The following SBSPON variants were observed in gnomAD, a reference collection of about 807,000 sequenced individuals.
SBSPON encodes somatomedin-B and thrombospondin type-1 domain-containing protein.
SBSPON carries 30 observed loss-of-function variants against 35.8 expected under a neutral mutation model. That is an observed-to-expected ratio of 0.84 (90% CI 0.63 to 1.14). The LOEUF (loss-of-function observed/expected upper bound fraction) is 1.14, where lower values mean the gene tolerates loss of function less well. Among genes scored for constraint, SBSPON ranks in the 50% most tolerant of loss-of-function variants. The pLI is 0.00. For synonymous variants in SBSPON, 136 were observed against 135.9 expected (o/e 1.00, Z 0.00); for missense variants, 364 against 357.7 (o/e 1.02, Z -0.14).
Position 73,092,840 on chromosome 8 carries a change from G to T in SBSPON, c.214+14C>A, listed in dbSNP as rs1228665381. The T allele has an allele frequency of 6.2e-7, 1 of 1,605,544 alleles. No individual in the cohort carries two copies. The highest frequency in any genetic ancestry group is 2.3e-5 in the East Asian group (1 of 44,444). On this transcript the variant is annotated intron_variant, in intron 1 of 4. Coordinates refer to ENST00000297354, the MANE Select transcript of SBSPON (RefSeq NM_153225.4). ...GCTAACGGCCGGCGCCCCACTCTCG[G>T]CCTGACCACCCACCTGGGCACGCCC...
intron 1 of SBSPON, among the ~76,000 whole-genome samples, chr8:73,087,844 C>A (rs1424569440): frequency 4.6e-5 from 7 of 152,208 alleles, no homozygotes. Flanking sequence ...GTTCTATGAT[C>A]TTAGAAAATG....
At chr8:73,079,169 A>G (rs1359761605) in intron 2 of SBSPON, among the ~76,000 whole-genome samples, 1 of 152,018 alleles carries the variant, frequency 6.6e-6, no homozygotes, top group African/African-American at 2.4e-5. Flanking sequence ...GTGAAACTAT[A>G]CCCAGCATCT....
intron 4 of SBSPON, among the ~76,000 whole-genome samples, chr8:73,068,992 T>C (rs1451250725): frequency 6.6e-6 from 1 of 152,222 alleles, no homozygotes; most frequent in Non-Finnish European, 1.5e-5. Flanking sequence ...TGTGACTGTT[T>C]TCCTGCTACA....
chr8:73,089,664 A>G (rs1563492416), intron 1 of SBSPON, among the ~76,000 whole-genome samples: 1 of 152,250 alleles, frequency 6.6e-6, no homozygotes, highest in Non-Finnish European at 1.5e-5. Flanking sequence ...AATATTAACG[A>G]ATACAAATTA....
intron 2 of SBSPON, among the ~76,000 whole-genome samples, 181 bp downstream of exon 2, chr8:73,080,838 G>C (rs1810684084): frequency 6.6e-6 from 1 of 152,178 alleles, no homozygotes; most frequent in Non-Finnish European, 1.5e-5. Flanking sequence ...CGTCTGCACA[G>C]CTGGCCATAA....
chr8:73,071,145 C>T (rs1810486567), intron 3 of SBSPON, among the ~76,000 whole-genome samples: 1 of 152,186 alleles, frequency 6.6e-6, no homozygotes. Flanking sequence ...GTATGAGCAA[C>T]CAGGCCCAGC....
At chr8:73,069,747 G>C (rs1810456120) in intron 4 of SBSPON, 58 bp downstream of exon 4, 2 of 1,407,654 alleles carry the variant, frequency 1.4e-6, no homozygotes, top group East Asian at 4.5e-5. Context: ...GACATGGAGA[G>C]GACAGATTTC....
At chr8:73,084,202 G>A (rs1229364998) in intron 1 of SBSPON, among the ~76,000 whole-genome samples, 2 of 152,264 alleles carry the variant, frequency 1.3e-5, no homozygotes, top group Middle Eastern at 3.4e-3. Flanking sequence ...TTTACCAACT[G>A]GTCCCCCTTT....
chr8:73,086,419 C>T (rs1376075518), intron 1 of SBSPON, among the ~76,000 whole-genome samples: 1 of 152,116 alleles, frequency 6.6e-6, no homozygotes, highest in African/African-American at 2.4e-5. Context: ...ACCTTGGCCT[C>T]CCGAAGTGCT....
intron 1 of SBSPON, among the ~76,000 whole-genome samples, chr8:73,092,509 A>G (rs1416512080): frequency 6.6e-6 from 1 of 152,176 alleles, no homozygotes; most frequent in Non-Finnish European, 1.5e-5. Context: ...TGTCAGTGCC[A>G]TCTCTGCCGG....
chr8:73,083,031 C>T (rs1407367367), intron 1 of SBSPON, among the ~76,000 whole-genome samples: 1 of 152,178 alleles, frequency 6.6e-6, no homozygotes, highest in Non-Finnish European at 1.5e-5. Context: ...TAGACTTGGT[C>T]CTTATGGTAA....
rs780298912 is a variant in SBSPON, at chr8:73,064,912, T to A, written c.*2429A>T. On this transcript the variant is annotated 3_prime_UTR_variant, in exon 5 of 5. Transcript: ENST00000297354. ...ATTAAGGGATTTTAGAGTTCGTAAATCTTTTTAGAGTGCCTGGGGATAGGG... is the reference window on the plus strand; with the variant it reads ...ATTAAGGGATTTTAGAGTTCGTAAAACTTTTTAGAGTGCCTGGGGATAGGG... 1 of 152,156 alleles carries A rather than the reference T, an allele frequency of 6.6e-6. No homozygotes were observed. Among genetic ancestry groups the A allele is most frequent in the Non-Finnish European group, 1.5e-5 (1 of 68,022 alleles). The allele number at this position is 152,156 out of a possible 1,614,324, so 9.4% of individuals were successfully genotyped here.
At chr8:73,074,735 C>T (rs74797442) in intron 2 of SBSPON, 1 of 250,088 alleles carries the variant, frequency 4.0e-6, no homozygotes, top group East Asian at 1.8e-4. Context: ...AACTTTTAGC[C>T]CCTTGTATCT....
chr8:73,081,032 G>A lies in SBSPON; in HGVS notation c.396C>T (p.Cys132=), dbSNP rs117453532. 7.1e-3 allele frequency: 11,332 copies of A among 1,599,684 alleles called. 53 individuals are homozygous for A. Among genetic ancestry groups the A allele is most frequent in the Non-Finnish European group, 8.6e-3 (10,054 of 1,173,728 alleles). Residue 132 remains cysteine (C), a synonymous_variant, in exon 2 of 5, where the codon TGC becomes TGT. Coordinates refer to ENST00000297354, the MANE Select transcript of SBSPON (RefSeq NM_153225.4). ...LEYSTPQGQD[C]GHTYVPAFIT... ...AAACATCAGTACCATAGGTGTGCCC[G>A]CAGTCCTGGCCCTGCGGGGTGGAGT... is the stretch of plus-strand genomic sequence containing the variant.
chr8:73,090,601 G>C (rs1485412684), intron 1 of SBSPON, among the ~76,000 whole-genome samples: 1 of 152,196 alleles, frequency 6.6e-6, no homozygotes, highest in African/African-American at 2.4e-5. Flanking sequence ...AATTGTCTTT[G>C]TTTTCCTCCT....
chr8:73,080,487 C>A (rs987240794), intron 2 of SBSPON, among the ~76,000 whole-genome samples: 2 of 152,102 alleles, frequency 1.3e-5, no homozygotes, highest in African/African-American at 4.8e-5. Context: ...TGCCCTCCAG[C>A]CTGGGTGACA....
rs2130053800 is a variant in SBSPON at position 73,093,031 on chromosome 8, G to A, written c.37C>T (p.Arg13Trp). Residue 13 changes from arginine to tryptophan, a missense_variant, in exon 1 of 5, where the codon CGG becomes TGG. Physicochemically the swap from Arg to Trp is moderately radical, Grantham distance 101. Transcript: ENST00000297354. Reference sequence around the variant, plus strand: ...CCGGCCTGGGCCCCGGGCCACAGCCGCGACAGCGCGCACAGCGCCATCCAC... The same window carrying A: ...CCGGCCTGGGCCCCGGGCCACAGCCACGACAGCGCGCACAGCGCCATCCAC... ...TLWMALCALS[R>W]LWPGAQAGCA... 2 of 1,388,020 alleles carry A rather than the reference G, an allele frequency of 1.4e-6. No homozygotes were observed. Among genetic ancestry groups the A allele is most frequent in the South Asian group, 1.7e-5 (1 of 57,416 alleles). The allele number at this position is 1,388,020 out of a possible 1,614,324, so 86.0% of individuals were successfully genotyped here.
intron 3 of SBSPON, among the ~76,000 whole-genome samples, chr8:73,070,604 T>C (rs915250421): frequency 3.9e-5 from 6 of 152,340 alleles, no homozygotes; most frequent in Middle Eastern, 3.4e-3. Context: ...GACACACTTT[T>C]CTGACAGAAG....
At chr8:73,090,480 G>T (rs759625882) in intron 1 of SBSPON, among the ~76,000 whole-genome samples, 1 of 152,240 alleles carries the variant, frequency 6.6e-6, no homozygotes, top group African/African-American at 2.4e-5. Context: ...AGCCACAGTC[G>T]GCATGGTTGT....
Sources: allele counts gnomAD v4.1 joint callset (sites outside exome capture counted in the v4.1 genomes callset), GRCh38; gene constraint gnomAD v4.1.1; transcripts MANE v1.5; gene names NCBI Gene and HGNC (gene_info 2026-07-23, HGNC 2026-07-21).